The following QDPR variants were observed in gnomAD, a reference collection of about 807,000 sequenced individuals.
QDPR encodes the protein dihydropteridine reductase.
QDPR carries 23 observed loss-of-function variants against 31.7 expected under a neutral mutation model. That is an observed-to-expected ratio of 0.73 (90% CI 0.52 to 1.03). The LOEUF is 1.03. Ranked by LOEUF, QDPR falls within the 50% of genes least tolerant of loss-of-function variation. The pLI is 0.00. For synonymous variants in QDPR, 124 were observed against 124.7 expected, an observed-to-expected ratio of 0.99 and a Z score of 0.03; for missense variants, 324 against 323.8, an observed-to-expected ratio of 1.00 and a Z score of 0.00.
intron 4 of QDPR, among the ~76,000 whole-genome samples, chr4:17,493,254 G>C (rs1344980338): frequency 6.6e-6 from 1 of 152,040 alleles, no homozygotes; most frequent in Non-Finnish European, 1.5e-5. Flanking sequence ...GACCATCCTG[G>C]GCAACGTAGT....
At chr4:17,491,893 T>C (rs1183839397) in intron 5 of QDPR, among the ~76,000 whole-genome samples, 1 of 152,106 alleles carries the variant, frequency 6.6e-6, no homozygotes, top group Admixed American at 6.5e-5. Flanking sequence ...AGGGAGCCCA[T>C]TTGCCCCTTC....
intron 5 of QDPR, among the ~76,000 whole-genome samples, chr4:17,491,912 G>A (rs905304082): frequency 6.6e-6 from 1 of 152,116 alleles, no homozygotes; most frequent in Non-Finnish European, 1.5e-5. Flanking sequence ...TCCACCGTGT[G>A]AGCACATATA....
chr4:17,497,021 T>C (rs2108990447), intron 4 of QDPR, among the ~76,000 whole-genome samples: 1 of 152,244 alleles, frequency 6.6e-6, no homozygotes, highest in East Asian at 1.9e-4. Context: ...AGTGCTGGGA[T>C]TACAGGCATG....
At chr4:17,493,572 G>A (rs73800219) in intron 4 of QDPR, among the ~76,000 whole-genome samples, 9,251 of 151,966 alleles carry the variant, frequency 0.061, 797 homozygotes, top group East Asian at 0.43. Flanking sequence ...TCAGGCAAAC[G>A]CTTTTTTTAT....
At chr4:17,500,908 T>C (rs1458391583) in intron 4 of QDPR, among the ~76,000 whole-genome samples, 4 of 152,138 alleles carry the variant, frequency 2.6e-5, no homozygotes, top group Non-Finnish European at 5.9e-5. Flanking sequence ...AAGATAATAT[T>C]GATGAGATTA....
In QDPR at chr4:17,492,267, G is replaced by A; in HGVS notation, c.510C>T (p.Gly170=). The change falls in exon 5 of 7, where the codon GGC becomes GGT. Residue 170 remains glycine, a synonymous_variant. Coordinates refer to ENST00000281243, the MANE Select transcript of QDPR (RefSeq NM_000320.3). ...LCQSLAGKNS[G]MPPGAAAIAV... is the part of the protein sequence containing the mutation. ...CGATGGCGGCTGCCCCGGGCGGCAT[G>A]CCGCTGTTCTTCCCAGCCAGGCTCT... 3.1e-6 allele frequency: 5 copies of A among 1,614,106 alleles called. No homozygotes were observed. The highest frequency in any genetic ancestry group is 2.5e-6 in the Non-Finnish European group (3 of 1,180,016).
intron 4 of QDPR, among the ~76,000 whole-genome samples, chr4:17,499,484 C>G (rs1718482559): frequency 6.6e-6 from 1 of 152,226 alleles, no homozygotes; most frequent in Admixed American, 6.5e-5. Flanking sequence ...TCTCAACCAA[C>G]CAGACAGCTA....
At chr4:17,499,195 C>A (rs971839374) in intron 4 of QDPR, among the ~76,000 whole-genome samples, 2 of 152,110 alleles carry the variant, frequency 1.3e-5, no homozygotes, top group African/African-American at 4.8e-5. Flanking sequence ...AAAACGCAGA[C>A]TCAGAAAGGC....
At chr4:17,497,502 AATATAATTATATTATCTCT>A (rs78612608) in intron 4 of QDPR, among the ~76,000 whole-genome samples, 43,246 of 151,512 alleles carry the variant, frequency 0.29, 6,750 homozygotes, top group Middle Eastern at 0.38. Context: ...GGAGGCTCTG[AATATAATTATATTATCTCT>A]ATATAATTAT....
intron 1 of QDPR, among the ~76,000 whole-genome samples, 197 bp from the exon 2 acceptor site, chr4:17,509,560 T>C (rs2108997496): frequency 6.6e-6 from 1 of 152,098 alleles, no homozygotes; most frequent in South Asian, 2.1e-4. Flanking sequence ...ACCCAGTCCC[T>C]ACAAAAAAAT....
chr4:17,511,833 C>T, intron 1 of QDPR, 117 bp downstream of exon 1: 2 of 1,005,452 alleles, frequency 2.0e-6, no homozygotes, highest in Non-Finnish European at 2.9e-6. Flanking sequence ...GCAAGCAACA[C>T]GAGTCAGGGG....
At chr4:17,501,645 C>T (rs1718564486) in intron 4 of QDPR, 74 bp downstream of exon 4, 2 of 1,565,440 alleles carry the variant, frequency 1.3e-6, no homozygotes, top group Admixed American at 3.4e-5. Flanking sequence ...AGTCCTCATC[C>T]CATGAAAGTG....
Position 17,512,059 on chromosome 4 carries a change from C to G in QDPR, c.-5G>C. ...TGCAGCCGCCGCCGCCGCCATCCTGCTCCTGCCAGCCCGGCTCCCGCAGCT... is the reference window on the plus strand; with the variant it reads ...TGCAGCCGCCGCCGCCGCCATCCTGGTCCTGCCAGCCCGGCTCCCGCAGCT... On this transcript the variant is annotated 5_prime_UTR_variant, in exon 1 of 7. Coordinates refer to ENST00000281243, the MANE Select transcript of QDPR (RefSeq NM_000320.3). The G allele has an allele frequency of 1.3e-6, 2 of 1,593,364 alleles. No individual in the cohort carries two copies. Among genetic ancestry groups the G allele is most frequent in the African/African-American group, 2.7e-5 (2 of 73,702 alleles).
At chr4:17,492,726 C>T (rs1478365831) in intron 4 of QDPR, among the ~76,000 whole-genome samples, 2 of 152,148 alleles carry the variant, frequency 1.3e-5, no homozygotes, top group Non-Finnish European at 2.9e-5. Context: ...TCATCTAACA[C>T]TTAACATTTA....
intron 4 of QDPR, among the ~76,000 whole-genome samples, chr4:17,500,113 G>A (rs1274265472): frequency 6.6e-6 from 1 of 151,778 alleles, no homozygotes; most frequent in African/African-American, 2.4e-5. Context: ...CCACCATCAC[G>A]CCTGGCTAAT....
intron 4 of QDPR, among the ~76,000 whole-genome samples, chr4:17,494,668 ACT>A (rs1416865918): frequency 2.0e-5 from 3 of 152,100 alleles, no homozygotes; most frequent in African/African-American, 7.2e-5. Context: ...ACAGAGGAAC[ACT>A]CAATCCTGGC....
chr4:17,487,257 T>A (rs185574498), intron 6 of QDPR, 21 bp from the exon 7 acceptor site: 2 of 1,601,070 alleles, frequency 1.2e-6, no homozygotes, highest in Non-Finnish European at 1.7e-6. Flanking sequence ...AAATAAAAGT[T>A]TTTTTTATAT....
At chr4:17,509,411 C>G in intron 1 of QDPR, 48 bp from the exon 2 acceptor site, 2 of 1,516,268 alleles carry the variant, frequency 1.3e-6, no homozygotes, top group African/African-American at 2.7e-5. Flanking sequence ...GTTGTTATTC[C>G]ATGAAAGAGT....
At chr4:17,506,359 G>T (rs1262542084) in intron 2 of QDPR, among the ~76,000 whole-genome samples, 1 of 152,154 alleles carries the variant, frequency 6.6e-6, no homozygotes, top group African/African-American at 2.4e-5. Context: ...TTAAACTCCT[G>T]GGCTCAAGTG....
Sources: allele counts gnomAD v4.1 joint callset (sites outside exome capture counted in the v4.1 genomes callset), GRCh38; gene constraint gnomAD v4.1.1; transcripts MANE v1.5; gene names NCBI Gene and HGNC (gene_info 2026-07-23, HGNC 2026-07-21).